ERG: variants seen among roughly 807,000 people sequenced by gnomAD.
ERG encodes the protein transcriptional regulator ERG.
In ERG, 9 loss-of-function variants were observed where a neutral mutation model predicts 55.3. The ratio of observed to expected loss-of-function variants is 0.16; its 90% confidence interval spans 0.10 to 0.28. ERG has a LOEUF of 0.28. Among genes scored for constraint, ERG ranks in the 10% least tolerant of loss-of-function variants. The probability of loss-of-function intolerance (pLI) is 1.00; values close to 1 mark genes in which losing one functional copy is unlikely to be tolerated. For synonymous variants in ERG, 223 were observed against 237.3 expected (o/e 0.94, Z 0.55); for missense variants, 434 against 631.6 (o/e 0.69, Z 3.35).
intron 2 of ERG, among the ~76,000 whole-genome samples, chr21:38,564,074 G>A (rs1015630479): frequency 6.6e-6 from 1 of 150,382 alleles, no homozygotes; most frequent in South Asian, 2.1e-4. Flanking sequence ...CTGCAGAGGG[G>A]ACTAAGAGAA....
At chr21:38,433,643 C>A (rs1169477989) in intron 2 of ERG, among the ~76,000 whole-genome samples, 3 of 151,552 alleles carry the variant, frequency 2.0e-5, no homozygotes, top group Non-Finnish European at 4.4e-5. Context: ...AAGCATGGAG[C>A]CTCAGCCCTT....
At chr21:38,617,657 C>G (rs2060266512) in intron 1 of ERG, among the ~76,000 whole-genome samples, 1 of 152,162 alleles carries the variant, frequency 6.6e-6, no homozygotes, top group African/African-American at 2.4e-5. Flanking sequence ...TAAAACAGGA[C>G]AAGTCCTGAA....
At chr21:38,469,432 G>A (rs1279900628) in intron 1 of ERG, among the ~76,000 whole-genome samples, 3 of 152,224 alleles carry the variant, frequency 2.0e-5, no homozygotes, top group South Asian at 2.1e-4. Context: ...AAATGCTCAC[G>A]AACACCATCA....
intron 2 of ERG, among the ~76,000 whole-genome samples, chr21:38,545,018 A>T (rs1341503738): frequency 6.6e-6 from 1 of 152,210 alleles, no homozygotes; most frequent in East Asian, 1.9e-4. Flanking sequence ...CTAAGCACTG[A>T]TGGAGAAAAA....
chr21:38,658,235 CAACTT>C (rs1304980822), intron 1 of ERG, among the ~76,000 whole-genome samples: 2 of 152,212 alleles, frequency 1.3e-5, no homozygotes, highest in Admixed American at 1.3e-4. Context: ...GATCAGCTGT[CAACTT>C]AAACTGAGAA....
chr21:38,499,836 G>A (rs917449280), upstream of ERG, among the ~76,000 whole-genome samples: 26 of 144,562 alleles, frequency 1.8e-4, no homozygotes, highest in Non-Finnish European at 3.0e-5. Flanking sequence ...AGGAGGATGG[G>A]AGGAAGGAGG....
At chr21:38,642,793 G>C (rs1293748721) in intron 1 of ERG, among the ~76,000 whole-genome samples, 1 of 152,228 alleles carries the variant, frequency 6.6e-6, no homozygotes, top group Non-Finnish European at 1.5e-5. Flanking sequence ...GTCACTGAAG[G>C]AGGAGAGGGG....
At chr21:38,403,951 T>C (rs1988639037) in intron 3 of ERG, among the ~76,000 whole-genome samples, 1 of 152,240 alleles carries the variant, frequency 6.6e-6, no homozygotes, top group Non-Finnish European at 1.5e-5. Context: ...CACATGCCCT[T>C]GTTTTTGCTC....
At chr21:38,556,764 A>G (rs9980236) in intron 2 of ERG, among the ~76,000 whole-genome samples, 132,156 of 152,160 alleles carry the variant, frequency 0.87, 57,559 homozygotes, top group South Asian at 0.92. Flanking sequence ...GGAAGAAAGC[A>G]GGGTTCTCTT....
chr21:38,558,942 A>G (rs984659483), intron 2 of ERG, among the ~76,000 whole-genome samples: 1 of 152,232 alleles, frequency 6.6e-6, no homozygotes, highest in Non-Finnish European at 1.5e-5. Flanking sequence ...AAAAGTACCA[A>G]CTACATAATT....
At chr21:38,478,913 G>A (rs984554821) in intron 1 of ERG, among the ~76,000 whole-genome samples, 1 of 152,104 alleles carries the variant, frequency 6.6e-6, no homozygotes, top group Non-Finnish European at 1.5e-5. Flanking sequence ...TAGAATGGGG[G>A]TGACTGGCTG....
chr21:38,471,741 A>G (rs1050694646), intron 1 of ERG: 2 of 152,220 alleles, frequency 1.3e-5, no homozygotes, highest in Non-Finnish European at 2.9e-5. Flanking sequence ...AAGTCTGAGA[A>G]TTTGTGGCCA....
upstream of ERG, among the ~76,000 whole-genome samples, chr21:38,585,532 C>CTTTTTTTTTTTTTTTTTTTT (rs760791568): frequency 0.01 from 604 of 59,254 alleles, 183 homozygotes; most frequent in Non-Finnish European, 0.014. Context: ...TCTCTCTCTT[C>CTTTTTTTTTTTTTTTTTTTT]TTTTTTTTTT....
intron 1 of ERG, among the ~76,000 whole-genome samples, chr21:38,649,827 A>G (rs2060478164): frequency 6.6e-6 from 1 of 152,234 alleles, no homozygotes; most frequent in Admixed American, 6.5e-5. Context: ...CCTGCAGTAC[A>G]CAAGATAAAG....
chr21:38,610,946 G>A (rs1043362957), intron 1 of ERG, among the ~76,000 whole-genome samples: 1 of 152,178 alleles, frequency 6.6e-6, no homozygotes, highest in Non-Finnish European at 1.5e-5. Flanking sequence ...GATTAAAAGA[G>A]CCCTCATCAC....
chr21:38,461,748 A>G (rs1462747044), intron 1 of ERG, among the ~76,000 whole-genome samples: 2 of 152,258 alleles, frequency 1.3e-5, no homozygotes, highest in Non-Finnish European at 2.9e-5. Flanking sequence ...TTCTTGGAAA[A>G]TAGAGTTACT....
At chr21:38,485,068 A>C (rs2212933) in intron 1 of ERG, among the ~76,000 whole-genome samples, 144,642 of 151,932 alleles carry the variant, frequency 0.95, 68,929 homozygotes, top group Middle Eastern at 0.99. Flanking sequence ...AAGGATTCCA[A>C]AATAAGGCAC....
chr21:38,500,106 G>A (rs1472878255), upstream of ERG, among the ~76,000 whole-genome samples: 3 of 152,170 alleles, frequency 2.0e-5, no homozygotes, highest in South Asian at 2.1e-4. Flanking sequence ...TCTGGAGTGC[G>A]GAGGAGAAAA....
chr21:38,434,937 A>G (rs1990381975), intron 2 of ERG, among the ~76,000 whole-genome samples: 1 of 152,194 alleles, frequency 6.6e-6, no homozygotes, highest in African/African-American at 2.4e-5. Flanking sequence ...AAGGTTTACT[A>G]TTGTGCAGTG....
Sources: allele counts gnomAD v4.1 joint callset (sites outside exome capture counted in the v4.1 genomes callset), GRCh38; gene constraint gnomAD v4.1.1; transcripts MANE v1.5; gene names NCBI Gene and HGNC (gene_info 2026-07-23, HGNC 2026-07-21).